The following FMNL2 variants were observed in gnomAD, a reference collection of about 807,000 sequenced individuals.
FMNL2 encodes the protein formin-like protein 2.
In FMNL2, 51 loss-of-function variants were observed where a neutral mutation model predicts 130.2. That is an observed-to-expected ratio of 0.39 (90% CI 0.31 to 0.49). FMNL2 has a LOEUF of 0.49. Ranked by LOEUF, FMNL2 falls within the 20% of genes least tolerant of loss-of-function variation. FMNL2 has a pLI of 0.85. For synonymous variants in FMNL2, 465 were observed against 467.1 expected (o/e 1.00, Z 0.06); for missense variants, 977 against 1,316.2 (o/e 0.74, Z 3.99).
At chr2:152,631,865 C>T (rs1224858484) in intron 20 of FMNL2, 143 bp from the exon 21 acceptor site, 4 of 878,276 alleles carry the variant, frequency 4.6e-6, no homozygotes, top group Non-Finnish European at 3.3e-6. Context: ...CAAATGGAAT[C>T]CTGACCCTCC....
In FMNL2 at chr2:152,550,076, G is replaced by GT. The variant is rs530320028; in HGVS notation, c.359+980dup. ...TTCTTCTTGAAAACCATGAGTTTAA[G>GT]TGAAATAATGTTGTTATAAAACCTT... On this transcript the variant is annotated intron_variant, in intron 4 of 25. Transcript: ENST00000288670. Among the ~76,000 whole-genome samples the GT allele has an allele frequency of 2.9e-3, 434 of 152,218 alleles. 1 individual carries two copies. The highest frequency in any genetic ancestry group is 0.01 in the African/African-American group (425 of 41,528).
intron 7 of FMNL2, among the ~76,000 whole-genome samples, chr2:152,576,066 A>T (rs1696460621): frequency 6.6e-6 from 1 of 152,154 alleles, no homozygotes; most frequent in Non-Finnish European, 1.5e-5. Context: ...CAGGGGTTCC[A>T]CTTAGAAAAG....
intron 9 of FMNL2, among the ~76,000 whole-genome samples, chr2:152,607,002 T>TGTTG (rs1698396147): frequency 7.7e-6 from 1 of 130,584 alleles, no homozygotes; most frequent in Non-Finnish European, 1.6e-5. Context: ...CGTTTTTTTT[T>TGTTG]TTTGTTTTTT....
chr2:152,467,271 C>G (rs978306990), intron 1 of FMNL2, among the ~76,000 whole-genome samples: 4 of 152,170 alleles, frequency 2.6e-5, no homozygotes, highest in African/African-American at 7.2e-5. Flanking sequence ...TATTCCTCTA[C>G]GTGCTGAACC....
chr2:152,603,524 T>C (rs1367238063), intron 9 of FMNL2, among the ~76,000 whole-genome samples: 2 of 149,950 alleles, frequency 1.3e-5, no homozygotes, highest in Non-Finnish European at 3.0e-5. Context: ...AAGGCTCTTC[T>C]TAACATCTAC....
At chr2:152,639,133 C>T (rs533542340) in intron 23 of FMNL2, among the ~76,000 whole-genome samples, 2 of 152,094 alleles carry the variant, frequency 1.3e-5, no homozygotes, top group South Asian at 2.1e-4. Flanking sequence ...TTGCCCTATA[C>T]GTGATGAATA....
intron 22 of FMNL2, among the ~76,000 whole-genome samples, chr2:152,637,280 T>C (rs1682699298): frequency 6.6e-6 from 1 of 152,192 alleles, no homozygotes; most frequent in African/African-American, 2.4e-5. Flanking sequence ...CCTTGTTTTG[T>C]ATGTGGGGTG....
intron 1 of FMNL2, among the ~76,000 whole-genome samples, chr2:152,485,496 T>A (rs765777670): frequency 6.6e-6 from 1 of 152,110 alleles, no homozygotes; most frequent in Non-Finnish European, 1.5e-5. Flanking sequence ...GAGCCGTGAT[T>A]GTGCCACTGC....
chr2:152,346,729 T>C (rs974397839), intron 1 of FMNL2, among the ~76,000 whole-genome samples: 7 of 152,120 alleles, frequency 4.6e-5, no homozygotes, highest in Admixed American at 2.6e-4. Context: ...AATTTAAAAA[T>C]TCTTTCTTGG....
At chr2:152,642,500 T>C (rs563382742) in intron 25 of FMNL2, among the ~76,000 whole-genome samples, 7 of 152,338 alleles carry the variant, frequency 4.6e-5, no homozygotes, top group African/African-American at 7.2e-5. Flanking sequence ...AATGTGCCTA[T>C]TGGTATCTCA....
chr2:152,632,067 G>A lies in FMNL2; in HGVS notation c.2610G>A (p.Val870=), dbSNP rs746044919. 3 of 1,612,938 alleles carry A rather than the reference G, an allele frequency of 1.9e-6. No individual in the cohort carries two copies. The African/African-American group carries it at 4.0e-5, about 22-fold the overall frequency. ...KQTLLHYISN[V]VKEKYHQVSL... ...CACTGTTGCACTATATATCCAATGT[G>A]GTGAAAGAAAAATATCACCAAGTGT... is the stretch of plus-strand genomic sequence containing the variant. Residue 870 remains valine, a synonymous_variant, in exon 21 of 26, where the codon GTG becomes GTA. Transcript: ENST00000288670.
In FMNL2 at chr2:152,401,898, CTTTTTTTTTT is replaced by C. The variant is rs70974858; in HGVS notation, c.117+66194_117+66203del. On this transcript the variant is annotated intron_variant, in intron 1 of 25. Coordinates refer to ENST00000288670, the MANE Select transcript of FMNL2 (RefSeq NM_052905.4). ...GGTAGTTTCAGATGTTGTGTTTAAT[CTTTTTTTTTT>C]TTTTTTTTTTTTTTTGAGACGGAGT... 2.2e-3 allele frequency among the ~76,000 whole-genome samples: 176 copies of C among 78,584 alleles called. 1 individual carries two copies. Among genetic ancestry groups the C allele is most frequent in the African/African-American group, 8.5e-3 (159 of 18,738 alleles). The allele number at this position is 78,584 out of a possible 152,430, so 51.6% of individuals were successfully genotyped here.
At position 152,430,272 on chromosome 2, in the gene FMNL2, T is replaced by C. The variant is rs189833134; in HGVS notation, c.118-91671T>C. Among the ~76,000 whole-genome samples, 446 of 152,358 alleles carry C rather than the reference T, an allele frequency of 2.9e-3. 2 individuals carry two copies. Among genetic ancestry groups the C allele is most frequent in the African/African-American group, 0.01 (434 of 41,582 alleles). On this transcript the variant is annotated intron_variant, in intron 1 of 25. Transcript: ENST00000288670. ...TTCTCACGTTAGTCCATTTTAGAAC[T>C]TGCGACCAGGCTATCCTTTGTCTCT...
chr2:152,609,697 T>C (rs1698576741), intron 10 of FMNL2, among the ~76,000 whole-genome samples: 2 of 152,164 alleles, frequency 1.3e-5, no homozygotes, highest in South Asian at 2.1e-4. Context: ...CTAGAGAGGT[T>C]ACACATCTTC....
intron 1 of FMNL2, among the ~76,000 whole-genome samples, chr2:152,424,394 CT>C (rs201404421): frequency 2.4e-3 from 339 of 141,950 alleles, no homozygotes; most frequent in African/African-American, 3.8e-3. Flanking sequence ...GGCCTACCAT[CT>C]TTTTTTTTTT....
chr2:152,515,841 T>C (rs1692736850), intron 1 of FMNL2, among the ~76,000 whole-genome samples: 2 of 152,204 alleles, frequency 1.3e-5, no homozygotes, highest in Non-Finnish European at 2.9e-5. Context: ...GTACATCTTG[T>C]TGTTTTTGAC....
intron 6 of FMNL2, among the ~76,000 whole-genome samples, chr2:152,568,261 G>T (rs1389924842): frequency 6.8e-6 from 1 of 147,430 alleles, no homozygotes; most frequent in Non-Finnish European, 1.5e-5. Flanking sequence ...TGTCACCCAG[G>T]CTGGGATGTA....
chr2:152,440,975 T>A (rs1247939717), intron 1 of FMNL2, among the ~76,000 whole-genome samples: 1 of 152,192 alleles, frequency 6.6e-6, no homozygotes, highest in Non-Finnish European at 1.5e-5. Flanking sequence ...CTTGTCTTTT[T>A]CAAAGAAGGG....
intron 9 of FMNL2, among the ~76,000 whole-genome samples, chr2:152,589,944 T>C (rs914335882): frequency 0.011 from 104 of 9,178 alleles, no homozygotes; most frequent in Non-Finnish European, 0.025. Flanking sequence ...TTTATACATA[T>C]ATATATATAT....
Sources: gnomAD v4.1 joint callset for allele counts (sites outside exome capture counted in the v4.1 genomes callset) on GRCh38, gnomAD v4.1.1 for gene constraint, MANE v1.5 for transcripts, NCBI Gene and HGNC (gene_info 2026-07-23, HGNC 2026-07-21) for gene names.